BBS12: variants seen among roughly 807,000 people sequenced by gnomAD.
BBS12 encodes the protein Bardet-Biedl syndrome 12, also known as chaperonin-containing T-complex member BBS12.
A neutral mutation model predicts 5.6 loss-of-function variants in BBS12; 5 were observed. That is an observed-to-expected ratio of 0.89 (90% confidence interval 0.46 to 1.86). BBS12 has a LOEUF of 1.86. Ranked by LOEUF, BBS12 falls within the 40% of genes most tolerant of loss-of-function variation. The probability of loss-of-function intolerance (pLI) is 0.01; values close to 1 mark genes in which losing one functional copy is unlikely to be tolerated. For missense variants in BBS12, 748 were observed against 830.4 expected (o/e 0.90, Z 1.22); for synonymous variants, 308 against 306.8 (o/e 1.00, Z -0.04).
chr4:122,739,310 T>C (rs937404604), intron 1 of BBS12, among the ~76,000 whole-genome samples: 3 of 152,236 alleles, frequency 2.0e-5, no homozygotes, highest in Non-Finnish European at 4.4e-5. Context: ...AAAACCCTCA[T>C]ACATTGTTGG....
At chr4:122,721,184 C>A in the BBS12 span, among the ~76,000 whole-genome samples, 2 of 152,244 alleles carry the variant, frequency 1.3e-5, no homozygotes, top group East Asian at 3.9e-4. Context: ...ATCTTCACCA[C>A]AATACCAAAG....
the BBS12 span, among the ~76,000 whole-genome samples, chr4:122,715,928 C>T: frequency 3.3e-5 from 5 of 152,038 alleles, no homozygotes; most frequent in Admixed American, 1.3e-4. Context: ...GTTATTAACT[C>T]TTTTGTTAAG....
At chr4:122,723,759 G>A in the BBS12 span, among the ~76,000 whole-genome samples, 3 of 152,190 alleles carry the variant, frequency 2.0e-5, no homozygotes, top group Non-Finnish European at 4.4e-5. Context: ...GAAAGTATTT[G>A]AGTGGCAGGT....
At chr4:122,701,955 C>T in the BBS12 span, among the ~76,000 whole-genome samples, 1 of 152,194 alleles carries the variant, frequency 6.6e-6, no homozygotes, top group Non-Finnish European at 1.5e-5. Context: ...ATCTCTGCTT[C>T]CTGTCCGCTG....
In BBS12 at chr4:122,744,804, T is replaced by C. The variant is rs1800962799; in HGVS notation, c.*779T>C. The C allele has an allele frequency of 6.0e-6, 1 of 167,090 alleles. No individual in the cohort carries two copies. The highest frequency in any genetic ancestry group is 6.5e-5 in the Admixed American group (1 of 15,280). 10.4% of individuals were successfully genotyped at this position (167,090 alleles called of 1,614,324 possible). ...AGCCAACCTGCAGTATTAACCTCAG[T>C]CCTGTCCCCCAAGGTCTTGACTCAA... On this transcript the variant is annotated 3_prime_UTR_variant, in exon 2 of 2. Transcript: ENST00000314218.
chr4:122,716,651 GTATATGCACATACACATA>G, the BBS12 span, among the ~76,000 whole-genome samples: 2 of 92,160 alleles, frequency 2.2e-5, no homozygotes, highest in East Asian at 5.8e-4. Context: ...ACACGTGTGT[GTATATGCACATACACATA>G]TGTGTATATA....
chr4:122,712,245 C>G, the BBS12 span, among the ~76,000 whole-genome samples: 1 of 152,200 alleles, frequency 6.6e-6, no homozygotes, highest in Admixed American at 6.5e-5. Flanking sequence ...AGGCTCCTTC[C>G]TCTATCTATA....
upstream of BBS12, chr4:122,731,123 A>G (rs1339030876): frequency 1.3e-5 from 2 of 152,200 alleles, no homozygotes; most frequent in African/African-American, 4.8e-5. Context: ...AAGGTGCTTA[A>G]AGGTAGAGCT....
chr4:122,703,269 A>C, the BBS12 span, among the ~76,000 whole-genome samples: 2 of 151,792 alleles, frequency 1.3e-5, no homozygotes, highest in South Asian at 4.2e-4. Context: ...GTGTCCTCCC[A>C]CACAATGTTT....
At chr4:122,726,741 CAT>C in the BBS12 span, among the ~76,000 whole-genome samples, 1 of 152,022 alleles carries the variant, frequency 6.6e-6, no homozygotes, top group Non-Finnish European at 1.5e-5. Context: ...AGGAAATTGT[CAT>C]ATATATATAA....
At chr4:122,707,094 G>T in the BBS12 span, among the ~76,000 whole-genome samples, 2 of 134,250 alleles carry the variant, frequency 1.5e-5, no homozygotes, top group Admixed American at 8.4e-5. Context: ...AGAGAGATGG[G>T]GCCTTGCTAT....
At chr4:122,702,576 A>G in the BBS12 span, among the ~76,000 whole-genome samples, 1 of 152,240 alleles carries the variant, frequency 6.6e-6, no homozygotes, top group Non-Finnish European at 1.5e-5. Context: ...TAAGAGGCAC[A>G]TGCATTGCAG....
At chr4:122,735,068 C>G (rs1453028874) in intron 1 of BBS12, among the ~76,000 whole-genome samples, 1 of 152,146 alleles carries the variant, frequency 6.6e-6, no homozygotes, top group Non-Finnish European at 1.5e-5. Context: ...TAGACACAAA[C>G]ATAATACAAT....
chr4:122,703,270 CACA>C, the BBS12 span, among the ~76,000 whole-genome samples: 6 of 152,122 alleles, frequency 3.9e-5, no homozygotes, highest in East Asian at 5.8e-4. Flanking sequence ...TGTCCTCCCA[CACA>C]ATGTTTGTCT....
chr4:122,725,632 C>T, the BBS12 span, among the ~76,000 whole-genome samples: 5 of 152,166 alleles, frequency 3.3e-5, no homozygotes, highest in South Asian at 2.1e-4. Flanking sequence ...TGTGCAGTGG[C>T]TCTTGCCTGT....
the BBS12 span, among the ~76,000 whole-genome samples, chr4:122,727,287 C>T: frequency 6.6e-6 from 1 of 152,124 alleles, no homozygotes; most frequent in East Asian, 1.9e-4. Context: ...CTCTGTCACC[C>T]AGGCTGGAGT....
At chr4:122,712,082 G>A in the BBS12 span, among the ~76,000 whole-genome samples, 1 of 152,226 alleles carries the variant, frequency 6.6e-6, no homozygotes, top group Non-Finnish European at 1.5e-5. Context: ...CAGTCTCCTA[G>A]GTGCTGAGGC....
At chr4:122,702,497 G>A in the BBS12 span, among the ~76,000 whole-genome samples, 2 of 152,172 alleles carry the variant, frequency 1.3e-5, no homozygotes, top group Admixed American at 6.5e-5. Flanking sequence ...TGAAAAATGA[G>A]AATTAGGGCT....
At chr4:122,736,347 G>A (rs1222719151) in intron 1 of BBS12, among the ~76,000 whole-genome samples, 1 of 152,036 alleles carries the variant, frequency 6.6e-6, no homozygotes, top group Non-Finnish European at 1.5e-5. Context: ...CTTCTGTATT[G>A]GGAATAGACT....
Sources: gnomAD v4.1 joint callset for allele counts (sites outside exome capture counted in the v4.1 genomes callset) on GRCh38, gnomAD v4.1.1 for gene constraint, MANE v1.5 for transcripts, NCBI Gene and HGNC (gene_info 2026-07-23, HGNC 2026-07-21) for gene names.